PRKG1: variants seen among roughly 807,000 people sequenced by gnomAD.
PRKG1 encodes protein kinase cGMP-dependent 1, also known as cGMP-dependent protein kinase 1.
A neutral mutation model predicts 88.1 loss-of-function variants in PRKG1; 35 were observed. That is an observed-to-expected ratio of 0.40 (90% CI 0.30 to 0.53). PRKG1 has a LOEUF of 0.53. Among genes scored for constraint, PRKG1 ranks in the 20% least tolerant of loss-of-function variants. The probability of loss-of-function intolerance (pLI) is 0.59; values close to 1 mark genes in which losing one functional copy is unlikely to be tolerated. For missense variants in PRKG1, 540 were observed against 839.8 expected (o/e 0.64, Z 4.41); for synonymous variants, 303 against 292.5 (o/e 1.04, Z -0.37).
At chr10:51,507,003 G>T (rs1009590989) in intron 3 of PRKG1, among the ~76,000 whole-genome samples, 13 of 152,094 alleles carry the variant, frequency 8.5e-5, no homozygotes, top group African/African-American at 2.9e-4. Flanking sequence ...CCTTTGTAGG[G>T]ACATGGATGA....
At chr10:51,626,760 G>A (rs902675853) in intron 3 of PRKG1, among the ~76,000 whole-genome samples, 2 of 152,154 alleles carry the variant, frequency 1.3e-5, no homozygotes, top group African/African-American at 2.4e-5. Context: ...TGATTGGTCA[G>A]TGTTGAGATC....
chr10:51,309,034 C>T (rs1841112371), intron 2 of PRKG1, among the ~76,000 whole-genome samples: 1 of 152,090 alleles, frequency 6.6e-6, no homozygotes, highest in South Asian at 2.1e-4. Context: ...AAAAGACAGC[C>T]AAGCAGGAAG....
At chr10:52,072,733 C>G (rs1846532724) in intron 7 of PRKG1, among the ~76,000 whole-genome samples, 1 of 152,114 alleles carries the variant, frequency 6.6e-6, no homozygotes, top group Non-Finnish European at 1.5e-5. Flanking sequence ...TTAAATAACT[C>G]TCAACTTCAA....
chr10:52,193,562 A>C (rs4529847), intron 9 of PRKG1, among the ~76,000 whole-genome samples: 94,639 of 119,820 alleles, frequency 0.79, 37,378 homozygotes, highest in Non-Finnish European at 0.87. Flanking sequence ...AAAAAAAAAA[A>C]CAAAAAAAAA....
intron 5 of PRKG1, among the ~76,000 whole-genome samples, chr10:52,023,090 T>C (rs1360633399): frequency 2.6e-5 from 4 of 152,122 alleles, no homozygotes; most frequent in Non-Finnish European, 5.9e-5. Flanking sequence ...CGACAGGTCC[T>C]GGTGTGTGAT....
chr10:51,144,475 C>T (rs1845893165), intron 1 of PRKG1, among the ~76,000 whole-genome samples: 2 of 151,984 alleles, frequency 1.3e-5, no homozygotes, highest in East Asian at 1.9e-4. Flanking sequence ...AGAATAACTA[C>T]TTAATAATTA....
intron 2 of PRKG1, among the ~76,000 whole-genome samples, chr10:51,188,096 C>G (rs967554125): frequency 2.1e-4 from 32 of 151,956 alleles, no homozygotes; most frequent in African/African-American, 6.3e-4. Flanking sequence ...GTCTGAGGCT[C>G]TAAACACTTA....
chr10:51,916,898 T>A lies in PRKG1; in HGVS notation c.762+9328T>A, dbSNP rs115342961. 5.9e-3 allele frequency among the ~76,000 whole-genome samples: 899 copies of A among 152,322 alleles called. 12 individuals carry two copies. Among genetic ancestry groups the A allele is most frequent in the African/African-American group, 0.021 (854 of 41,558 alleles). ...CATGGATGACTTTGAAAGCATTTTG[T>A]TAAGTAAATAAAAGTAAAATGACAC... On this transcript the variant is annotated intron_variant, in intron 5 of 17. Transcript: ENST00000373980.
Position 52,161,962 on chromosome 10 carries a change from A to C in PRKG1, c.1075A>C (p.Lys359Gln). The change falls in exon 9 of 18, where the codon AAA (lysine) becomes CAA (glutamine). Residue 359 changes from lysine (K) to glutamine (Q), a missense_variant and splice_region_variant. Coordinates refer to ENST00000373980, the MANE Select transcript of PRKG1 (RefSeq NM_006258.4). ...KAYEDAEAKA[K>Q]YEAEAAFFAN... ...ATATGAAGATGCAGAAGCTAAAGCAAAGTAAGTGACTTTTTTCCTTAATTT... is the reference window on the plus strand; with the variant it reads ...ATATGAAGATGCAGAAGCTAAAGCACAGTAAGTGACTTTTTTCCTTAATTT... The C allele has an allele frequency of 6.2e-7, 1 of 1,609,806 alleles. No individual in the cohort carries two copies. The highest frequency in any genetic ancestry group is 8.5e-7 in the Non-Finnish European group (1 of 1,178,196).
chr10:51,124,925 A>G (rs990552164), intron 1 of PRKG1, among the ~76,000 whole-genome samples: 1 of 152,210 alleles, frequency 6.6e-6, no homozygotes, highest in African/African-American at 2.4e-5. Context: ...TTGAGTTGAC[A>G]TATGACCTGC....
intron 1 of PRKG1, among the ~76,000 whole-genome samples, chr10:51,100,394 T>C (rs1844649506): frequency 6.6e-6 from 1 of 152,192 alleles, no homozygotes; most frequent in Non-Finnish European, 1.5e-5. Flanking sequence ...GAAACCACAC[T>C]CAGCCACTCA....
intron 3 of PRKG1, among the ~76,000 whole-genome samples, chr10:51,525,731 G>T (rs17613687): frequency 0.26 from 39,208 of 151,818 alleles, 5,389 homozygotes; most frequent in Admixed American, 0.35. Flanking sequence ...AAAGAAATGT[G>T]CAGCTTATGA....
chr10:51,897,987 C>A (rs528975686), intron 4 of PRKG1, among the ~76,000 whole-genome samples: 85 of 152,196 alleles, frequency 5.6e-4, no homozygotes, highest in African/African-American at 2.0e-3. Flanking sequence ...CCCTTTGTGA[C>A]CTGACCCCAC....
At chr10:51,673,974 A>G (rs1231595318) in intron 3 of PRKG1, among the ~76,000 whole-genome samples, 2 of 152,178 alleles carry the variant, frequency 1.3e-5, no homozygotes, top group Admixed American at 6.5e-5. Flanking sequence ...CCTACTTTTA[A>G]TAACCTAGAC....
chr10:52,137,510 C>T lies in PRKG1; in HGVS notation c.1001+3605C>T, dbSNP rs762748053. On this transcript the variant is annotated intron_variant, in intron 8 of 17. Coordinates refer to ENST00000373980, the MANE Select transcript of PRKG1 (RefSeq NM_006258.4). ...AAGTACAGTCATTCTTTAGTATCCA[C>T]GGGGGATTGGTTCAAGGACCCCCTT... 3.4e-4 allele frequency among the ~76,000 whole-genome samples: 52 copies of T among 151,988 alleles called. 1 individual carries two copies. Among genetic ancestry groups the T allele is most frequent in the Non-Finnish European group, 3.8e-4 (26 of 67,990 alleles).
intron 2 of PRKG1, among the ~76,000 whole-genome samples, chr10:51,434,740 T>C (rs1838869858): frequency 6.6e-6 from 1 of 152,136 alleles, no homozygotes; most frequent in Non-Finnish European, 1.5e-5. Flanking sequence ...GGTTTCCATG[T>C]ATGTGAAGTG....
At position 52,213,049 on chromosome 10, in the gene PRKG1, A is replaced by G. The variant is rs148233488; in HGVS notation, c.1077-38521A>G. On this transcript the variant is annotated intron_variant, in intron 9 of 17. Transcript: ENST00000373980. The stretch of plus-strand genomic sequence containing the variant: ...TACACACTAAGAAATTGACTTTTGC[A>G]CTTAAAGCAAATAAACTTTCAAGTA... 6.6e-5 allele frequency among the ~76,000 whole-genome samples: 10 copies of G among 152,318 alleles called. No homozygotes were observed. In the Middle Eastern group the frequency reaches 0.01, roughly 155 times the overall value.
intron 3 of PRKG1, among the ~76,000 whole-genome samples, chr10:51,802,932 A>T (rs147869009): frequency 6.6e-6 from 1 of 152,214 alleles, no homozygotes; most frequent in Non-Finnish European, 1.5e-5. Context: ...CAGCCATTTC[A>T]GTCTCTTTTC....
At chr10:51,253,949 T>C (rs1173324426) in intron 2 of PRKG1, among the ~76,000 whole-genome samples, 1 of 151,958 alleles carries the variant, frequency 6.6e-6, no homozygotes, top group Non-Finnish European at 1.5e-5. Flanking sequence ...GGAAGAAAAA[T>C]GTTGCCATGT....
Sources: allele counts gnomAD v4.1 joint callset (sites outside exome capture counted in the v4.1 genomes callset), GRCh38; gene constraint gnomAD v4.1.1; transcripts MANE v1.5; gene names NCBI Gene and HGNC (gene_info 2026-07-23, HGNC 2026-07-21).